Variants in PTH1R observed in about 807,000 individuals in gnomAD.
PTH1R encodes the protein parathyroid hormone 1 receptor, also known as parathyroid hormone/parathyroid hormone-related peptide receptor.
In PTH1R, 32 loss-of-function variants were observed where a neutral mutation model predicts 70.7. That is an observed-to-expected ratio of 0.45 (90% confidence interval 0.34 to 0.61). The LOEUF (loss-of-function observed/expected upper bound fraction) is 0.61. Ranked by LOEUF, PTH1R falls within the 20% of genes least tolerant of loss-of-function variation. The pLI is 0.01. For synonymous variants in PTH1R, 329 were observed against 324.8 expected, an observed-to-expected ratio of 1.01 and a Z score of -0.14; for missense variants, 626 against 792.5, an observed-to-expected ratio of 0.79 and a Z score of 2.52.
rs1163821809 is a variant in PTH1R at position 46,898,360 on chromosome 3, TC to T, written c.544-12del. ...TGGGTCCCAGGGCTCTGACTGTGTC[TC>T]CCCCCGCCCCGCACAGGAGGTGTTT... On this transcript the variant is annotated splice_polypyrimidine_tract_variant and intron_variant, in intron 7 of 15. Transcript: ENST00000449590. 3.1e-6 allele frequency: 5 copies of T among 1,612,102 alleles called. No homozygotes were observed. The Admixed American group carries it at 5.0e-5, about 16-fold the overall frequency.
At position 46,898,196 on chromosome 3, in the gene PTH1R, C is replaced by G. The variant is rs199829955; in HGVS notation, c.543+4C>G. 6.2e-7 allele frequency: 1 copy of G among 1,613,510 alleles called. No individual in the cohort carries two copies. Among genetic ancestry groups the G allele is most frequent in the Non-Finnish European group, 8.5e-7 (1 of 1,179,446 alleles). Reference sequence around the variant, plus strand: ...CACCAATGAGACTCGTGAACGGGTGCGAGCCTTTCTCCTCCCCAACCTGAC... The same window carrying G: ...CACCAATGAGACTCGTGAACGGGTGGGAGCCTTTCTCCTCCCCAACCTGAC... On this transcript the variant is annotated splice_donor_region_variant and intron_variant, in intron 7 of 15. Transcript: ENST00000449590.
In PTH1R at chr3:46,883,436, A is replaced by C. The variant is rs1273310894; in HGVS notation, c.-48-76A>C. ...GGCCCCGGGGCCTCGGGCCGCCGGGACGCCGGGGTCCCATAGGCCGGGGCG... is the reference window on the plus strand; with the variant it reads ...GGCCCCGGGGCCTCGGGCCGCCGGGCCGCCGGGGTCCCATAGGCCGGGGCG... On this transcript the variant is annotated intron_variant, in intron 2 of 15. Coordinates refer to ENST00000449590, the MANE Select transcript of PTH1R (RefSeq NM_000316.3). This position sits in a 1 kb window ranked among gnomAD's most constrained non-coding sequence, Gnocchi z 6.4. 1.8e-5 allele frequency: 13 copies of C among 723,416 alleles called. No individual in the cohort carries two copies. In the South Asian group the frequency reaches 2.0e-4, roughly 11 times the overall value. The allele number at this position is 723,416 out of a possible 1,614,324, so 44.8% of individuals were successfully genotyped here.
At chr3:46,887,628 T>C (rs1259981570) in intron 3 of PTH1R, among the ~76,000 whole-genome samples, 1 of 152,206 alleles carries the variant, frequency 6.6e-6, no homozygotes, top group Non-Finnish European at 1.5e-5. Context: ...TACCTCTTTG[T>C]GTACATATCA....
intron 5 of PTH1R, among the ~76,000 whole-genome samples, chr3:46,897,212 G>A (rs749641783): frequency 9.6e-4 from 146 of 152,262 alleles, no homozygotes; most frequent in Non-Finnish European, 1.9e-3. Flanking sequence ...CTGGGGCTGA[G>A]CACTTGAAGA....
intron 4 of PTH1R, among the ~76,000 whole-genome samples, chr3:46,895,313 T>C (rs2031685133): frequency 6.6e-6 from 1 of 152,166 alleles, no homozygotes; most frequent in African/African-American, 2.4e-5. Flanking sequence ...CCAGACTTAA[T>C]TTTCGCTATG....
At position 46,903,225 on chromosome 3, in the gene PTH1R, G is replaced by A. The variant is rs1575526635; in HGVS notation, c.1396-45G>A. ...CCAGGGGCCGGGATGGGGCATCGCT[G>A]GGGTTGGGAGACACACCTGACTGCC... On this transcript the variant is annotated intron_variant, in intron 15 of 15. Coordinates refer to ENST00000449590, the MANE Select transcript of PTH1R (RefSeq NM_000316.3). The surrounding 1 kb of genome is among the most constrained non-coding windows in gnomAD (Gnocchi z 4.4). 1 of 1,609,538 alleles carries A rather than the reference G, an allele frequency of 6.2e-7. No individual in the cohort carries two copies. Among genetic ancestry groups the A allele is most frequent in the East Asian group, 2.2e-5 (1 of 44,734 alleles).
At chr3:46,894,914 A>C in intron 4 of PTH1R, among the ~76,000 whole-genome samples, 1 of 151,956 alleles carries the variant, frequency 6.6e-6, no homozygotes, top group Admixed American at 6.6e-5. Flanking sequence ...AAATTTAAAA[A>C]TTAGCGAGGT....
Position 46,898,873 on chromosome 3 carries a change from CCCGCCCGCTCCCGG to C in PTH1R, c.834+17_834+30del, listed in dbSNP as rs776905142. 1.3e-6 allele frequency: 2 copies of C among 1,491,672 alleles called. No homozygotes were observed. Among genetic ancestry groups the C allele is most frequent in the East Asian group, 5.1e-5 (2 of 38,896 alleles). 92.4% of individuals were successfully genotyped at this position (1,491,672 alleles called of 1,614,324 possible). ...TGCCGGCTACGTGAGTACCCCTCTG[CCCGCCCGCTCCCGG>C]TGCCGCCACTGGCCTCGTGGGGCCC... On this transcript the variant is annotated intron_variant, in intron 9 of 15. Transcript: ENST00000449590.
Position 46,884,458 on chromosome 3 carries a change from A to G in PTH1R, c.75+824A>G, listed in dbSNP as rs1466080524. Reference sequence around the variant, plus strand: ...CAGGCAAAGGCAGAAAGCTGGAGACACAGAGTGGGCAGCACCTCCTCCTCC... The same window carrying G: ...CAGGCAAAGGCAGAAAGCTGGAGACGCAGAGTGGGCAGCACCTCCTCCTCC... On this transcript the variant is annotated intron_variant, in intron 3 of 15. Coordinates refer to ENST00000449590, the MANE Select transcript of PTH1R (RefSeq NM_000316.3). This position sits in a 1 kb window ranked among gnomAD's most constrained non-coding sequence, Gnocchi z 4.8. 2.0e-5 allele frequency among the ~76,000 whole-genome samples: 3 copies of G among 152,276 alleles called. No individual in the cohort carries two copies. The East Asian group carries it at 5.8e-4, about 29-fold the overall frequency.
At chr3:46,888,454 T>C (rs2031175355) in intron 3 of PTH1R, among the ~76,000 whole-genome samples, 1 of 152,228 alleles carries the variant, frequency 6.6e-6, no homozygotes, top group Non-Finnish European at 1.5e-5. Context: ...TTGTGGGCCT[T>C]CTGGGGACAC....
chr3:46,886,120 T>C (rs537117369), intron 3 of PTH1R, among the ~76,000 whole-genome samples: 1 of 152,074 alleles, frequency 6.6e-6, no homozygotes, highest in Admixed American at 6.5e-5. Flanking sequence ...AGATTGTGAG[T>C]AGGAGGCAAA....
Position 46,884,620 on chromosome 3 carries a change from C to A in PTH1R, c.75+986C>A, listed in dbSNP as rs2030900186. On this transcript the variant is annotated intron_variant, in intron 3 of 15. Coordinates refer to ENST00000449590, the MANE Select transcript of PTH1R (RefSeq NM_000316.3). The surrounding 1 kb of genome is among the most constrained non-coding windows in gnomAD (Gnocchi z 4.8). ...GCCTGTGCGCCTAACTTCAAAGCCT[C>A]TTCTCCCTGCTCCCCAGTGGGGGTA... Among the ~76,000 whole-genome samples, 1 of 152,166 alleles carries A rather than the reference C, an allele frequency of 6.6e-6. No individual in the cohort carries two copies. Among genetic ancestry groups the A allele is most frequent in the South Asian group, 2.1e-4 (1 of 4,836 alleles).
chr3:46,893,741 G>A lies in PTH1R; in HGVS notation c.76-166G>A, dbSNP rs2031566829. Among the ~76,000 whole-genome samples the A allele has an allele frequency of 6.6e-6, 1 of 152,178 alleles. No individual in the cohort carries two copies. The highest frequency in any genetic ancestry group is 2.1e-4 in the South Asian group (1 of 4,834). On this transcript the variant is annotated intron_variant, in intron 3 of 15. Transcript: ENST00000449590. The surrounding 1 kb of genome is among the most constrained non-coding windows in gnomAD (Gnocchi z 5.2). ...AGAGCCACAGCTTCCCATCTGTAAG[G>A]TGTGAGCTCCATAGAGCAGATTCCC... is the stretch of plus-strand genomic sequence containing the variant.
chr3:46,883,231 A>G lies in PTH1R; in HGVS notation c.-48-281A>G, dbSNP rs992858169. ...CGGGCCGGGGGCGGGGGGCCCGGCC[A>G]TATGGATGTGATTTCTTCGCTCCGA... On this transcript the variant is annotated intron_variant, in intron 2 of 15. Coordinates refer to ENST00000449590, the MANE Select transcript of PTH1R (RefSeq NM_000316.3). The surrounding 1 kb of genome is among the most constrained non-coding windows in gnomAD (Gnocchi z 6.4). 9.5e-6 allele frequency: 2 copies of G among 210,220 alleles called. No homozygotes were observed. Among genetic ancestry groups the G allele is most frequent in the African/African-American group, 4.7e-5 (2 of 42,668 alleles). 13.0% of individuals were successfully genotyped at this position (210,220 alleles called of 1,614,324 possible). A position where few individuals can be genotyped will look rare whatever the true frequency, so the allele number is the denominator to read the frequency against.
Position 46,884,603 on chromosome 3 carries a change from G to A in PTH1R, c.75+969G>A, listed in dbSNP as rs899872925. Among the ~76,000 whole-genome samples, 1 of 152,114 alleles carries A rather than the reference G, an allele frequency of 6.6e-6. No individual in the cohort carries two copies. The highest frequency in any genetic ancestry group is 1.5e-5 in the Non-Finnish European group (1 of 68,010). ...TCCTGGGGAGGCTGTCTGCCTGTGCGCCTAACTTCAAAGCCTCTTCTCCCT... is the reference window on the plus strand; with the variant it reads ...TCCTGGGGAGGCTGTCTGCCTGTGCACCTAACTTCAAAGCCTCTTCTCCCT... On this transcript the variant is annotated intron_variant, in intron 3 of 15. Coordinates refer to ENST00000449590, the MANE Select transcript of PTH1R (RefSeq NM_000316.3). The surrounding 1 kb of genome is among the most constrained non-coding windows in gnomAD (Gnocchi z 4.8).
In PTH1R at chr3:46,892,671, G is replaced by T; in HGVS notation, c.76-1236G>T. 3 of 903,076 alleles carry T rather than the reference G, an allele frequency of 3.3e-6. No homozygotes were observed. The highest frequency in any genetic ancestry group is 1.2e-4 in the East Asian group (1 of 8,450). 55.9% of individuals were successfully genotyped at this position (903,076 alleles called of 1,614,324 possible). A position where few individuals can be genotyped will look rare whatever the true frequency, so the allele number is the denominator to read the frequency against. ...CCCCTCTCGCCGGTGCCCGCCCCAT[G>T]CCCGACCCGCCTTCTTCCTCCCCTG... is the stretch of plus-strand genomic sequence containing the variant. On this transcript the variant is annotated intron_variant, in intron 3 of 15. Coordinates refer to ENST00000449590, the MANE Select transcript of PTH1R (RefSeq NM_000316.3). The surrounding 1 kb of genome is among the most constrained non-coding windows in gnomAD (Gnocchi z 5.2).
chr3:46,903,738 A>G lies in PTH1R; in HGVS notation c.*82A>G. On this transcript the variant is annotated 3_prime_UTR_variant, in exon 16 of 16. Transcript: ENST00000449590. The surrounding 1 kb of genome is among the most constrained non-coding windows in gnomAD (Gnocchi z 4.4). ...TGGGTGGTTGAATGATTTCCCACTC[A>G]GGGCTGGGGCCAAGAGGAAAAACAG... The G allele has an allele frequency of 6.4e-7, 1 of 1,572,802 alleles. No individual in the cohort carries two copies. The highest frequency in any genetic ancestry group is 1.8e-5 in the Admixed American group (1 of 56,330).
chr3:46,903,036 AC>A lies in PTH1R; in HGVS notation c.1396-231del. The A allele has an allele frequency of 4.0e-6, 4 of 987,930 alleles. No individual in the cohort carries two copies. The South Asian group carries it at 5.5e-5, about 14-fold the overall frequency. The allele number at this position is 987,930 out of a possible 1,614,324, so 61.2% of individuals were successfully genotyped here. A position where few individuals can be genotyped will look rare whatever the true frequency, so the allele number is the denominator to read the frequency against. Reference sequence around the variant, plus strand: ...CAGCCCCATGGTTCAATTATCTGTGACCCAGATTGGAGGACTCAGCCACCTT... The same window carrying A: ...CAGCCCCATGGTTCAATTATCTGTGACCAGATTGGAGGACTCAGCCACCTT... On this transcript the variant is annotated intron_variant, in intron 15 of 15. Coordinates refer to ENST00000449590, the MANE Select transcript of PTH1R (RefSeq NM_000316.3). This position sits in a 1 kb window ranked among gnomAD's most constrained non-coding sequence, Gnocchi z 4.4.
intron 3 of PTH1R, among the ~76,000 whole-genome samples, chr3:46,885,497 A>G (rs1168829979): frequency 6.6e-6 from 1 of 152,128 alleles, no homozygotes; most frequent in Non-Finnish European, 1.5e-5. Flanking sequence ...ACCATTATTT[A>G]TCTCATGCCA....
Sources: gnomAD v4.1 joint callset for allele counts (sites outside exome capture counted in the v4.1 genomes callset) on GRCh38, gnomAD v4.1.1 for gene constraint, Gnocchi (gnomAD v3.1) non-coding constraint, MANE v1.5 for transcripts, NCBI Gene and HGNC (gene_info 2026-07-23, HGNC 2026-07-21) for gene names.